Variants in NFS1 observed in about 807,000 individuals in gnomAD.
NFS1 encodes NFS1 cysteine desulfurase, also known as cysteine desulfurase.
Under a neutral mutation model 57.3 loss-of-function variants are expected in NFS1, and 26 were observed. The observed-to-expected ratio is 0.45, with a 90% CI of 0.33 to 0.63. The LOEUF is 0.63. NFS1 is among the 20% of genes least tolerant of loss of function. The pLI is 0.02. For synonymous variants in NFS1, 209 were observed against 216.3 expected (o/e 0.97, Z 0.30); for missense variants, 505 against 605.8 (o/e 0.83, Z 1.75).
rs564818263 is a variant in NFS1 at position 35,683,916 on chromosome 20, C to T, written c.562-1935G>A. The stretch of plus-strand genomic sequence containing the variant: ...ATCACCTGAGGTCAGGAGTTCGAGA[C>T]CAGCCTGGCCAACATGGTGAAAGCA... On this transcript the variant is annotated intron_variant, in intron 5 of 12. Transcript: ENST00000374092. 2.7e-4 allele frequency among the ~76,000 whole-genome samples: 41 copies of T among 150,534 alleles called. 1 individual carries two copies. In the Middle Eastern group the frequency reaches 0.017, roughly 64 times the overall value.
rs777332553 is a variant in NFS1, at chr20:35,681,978, G to T, written c.565C>A (p.Leu189Ile). 8 of 1,595,058 alleles carry T rather than the reference G, an allele frequency of 5.0e-6. No homozygotes were observed. In the African/African-American group the frequency reaches 9.4e-5, roughly 19 times the overall value. ...GTATCTGGCTGGATAGCAGCCTCTAGTTCCTAGGGATATGCAGGAGTAAGG... is the reference window on the plus strand; with the variant it reads ...GTATCTGGCTGGATAGCAGCCTCTATTTCCTAGGGATATGCAGGAGTAAGG... The part of the protein sequence containing the change: ...QKSGIIDLKE[L>I]EAAIQPDTSL... The change falls in exon 6 of 13, where the codon CTA becomes ATA. Residue 189 changes from leucine (L) to isoleucine (I), a missense_variant. Leu to Ile is a conservative substitution (Grantham distance 5). Transcript: ENST00000374092.
Position 35,669,538 on chromosome 20 carries a change from A to G in NFS1, c.*84T>C. On this transcript the variant is annotated 3_prime_UTR_variant, in exon 13 of 13. Coordinates refer to ENST00000374092, the MANE Select transcript of NFS1 (RefSeq NM_021100.5). ...TGGTCTATACCAATCTAGAGCATCC[A>G]CTAGGTGTAACAAGGTGTCTGGTTG... 1.7e-6 allele frequency: 2 copies of G among 1,195,848 alleles called. No individual in the cohort carries two copies. The highest frequency in any genetic ancestry group is 4.7e-5 in the East Asian group (2 of 42,964). 74.1% of individuals were successfully genotyped at this position (1,195,848 alleles called of 1,614,324 possible).
chr20:35,685,325 G>A (rs942073329), intron 5 of NFS1, among the ~76,000 whole-genome samples: 6 of 151,726 alleles, frequency 4.0e-5, no homozygotes, highest in African/African-American at 1.5e-4. Context: ...GCTGCTGTAA[G>A]CCTTGGTGGT....
intron 7 of NFS1, chr20:35,675,461 A>G (rs2034724445): frequency 3.8e-6 from 2 of 527,432 alleles, no homozygotes; most frequent in Non-Finnish European, 6.7e-6. Flanking sequence ...ATGAAATGCC[A>G]TCATACATTA....
At chr20:35,698,808 G>T (rs1308369299) in intron 1 of NFS1, 76 of 1,381,600 alleles carry the variant, frequency 5.5e-5, no homozygotes, top group Non-Finnish European at 6.5e-5. Context: ...GTGTTGAGTT[G>T]ATATTCAAAT....
rs78937508 is a variant in NFS1 at position 35,687,167 on chromosome 20, G to A, written c.561+3246C>T. ...CAGGAAAGGGAATCCCCCTTTCCCC[G>A]GGGGAGTTTAGAGAAGACTCTACTC... is the stretch of plus-strand genomic sequence containing the variant. On this transcript the variant is annotated intron_variant, in intron 5 of 12. Coordinates refer to ENST00000374092, the MANE Select transcript of NFS1 (RefSeq NM_021100.5). 6.1e-3 allele frequency among the ~76,000 whole-genome samples: 929 copies of A among 152,182 alleles called. 30 individuals carry two copies. The East Asian group carries it at 0.088, about 14-fold the overall frequency.
intron 5 of NFS1, 77 bp downstream of exon 5, chr20:35,690,336 T>A: frequency 7.1e-7 from 1 of 1,416,398 alleles, no homozygotes; most frequent in Non-Finnish European, 9.8e-7. Context: ...AAGCTCCAGC[T>A]AGGGCCCAAG....
In NFS1 at chr20:35,685,863, C is replaced by G. The variant is rs1285849195; in HGVS notation, c.562-3882G>C. On this transcript the variant is annotated intron_variant, in intron 5 of 12. Coordinates refer to ENST00000374092, the MANE Select transcript of NFS1 (RefSeq NM_021100.5). ...ACAAGAGCGAAATTCAGTACCCCCCCGCAAAAAAAAAAAAAAAAGAAACAC... is the reference window on the plus strand; with the variant it reads ...ACAAGAGCGAAATTCAGTACCCCCCGGCAAAAAAAAAAAAAAAAGAAACAC... Among the ~76,000 whole-genome samples, 7 of 137,402 alleles carry G rather than the reference C, an allele frequency of 5.1e-5. No homozygotes were observed. The East Asian group carries it at 8.4e-4, about 16-fold the overall frequency. The allele number at this position is 137,402 out of a possible 152,430, so 90.1% of individuals were successfully genotyped here.
At chr20:35,692,211 T>C in intron 4 of NFS1, 1 of 253,422 alleles carries the variant, frequency 3.9e-6, no homozygotes, top group South Asian at 3.9e-5. Context: ...TAAATAAAAA[T>C]AAAAATACAA....
At chr20:35,696,776 C>T (rs1334323819) in intron 3 of NFS1, among the ~76,000 whole-genome samples, 1 of 152,100 alleles carries the variant, frequency 6.6e-6, no homozygotes, top group African/African-American at 2.4e-5. Flanking sequence ...CGAGACCAAC[C>T]TGGCCAACAT....
intron 12 of NFS1, 94 bp downstream of exon 12, chr20:35,672,661 C>T: frequency 1.2e-6 from 1 of 826,746 alleles, no homozygotes; most frequent in Non-Finnish European, 2.1e-6. Flanking sequence ...TACGCTTGAA[C>T]TTTGGTTTTG....
intron 4 of NFS1, among the ~76,000 whole-genome samples, chr20:35,693,082 T>C (rs1461867127): frequency 1.3e-5 from 2 of 151,888 alleles, no homozygotes; most frequent in Non-Finnish European, 2.9e-5. Flanking sequence ...GAGAGGAAGA[T>C]TTACACTTCA....
At chr20:35,677,931 T>G (rs1353560130) in intron 7 of NFS1, among the ~76,000 whole-genome samples, 11 of 151,816 alleles carry the variant, frequency 7.2e-5, no homozygotes, top group South Asian at 2.1e-4. Context: ...AGCCAGGCAT[T>G]GGGCCGGGCA....
chr20:35,697,532 T>C (rs2035156344), intron 3 of NFS1, 152 bp downstream of exon 3: 1 of 539,312 alleles, frequency 1.9e-6, no homozygotes, highest in Middle Eastern at 5.1e-4. Flanking sequence ...ATCAAATGCC[T>C]GCAGTCAAAC....
Position 35,688,812 on chromosome 20 carries a change from G to C in NFS1, c.561+1601C>G, listed in dbSNP as rs117158556. ...AGGAAGGGAGGCAGGGAGGGAAGAA[G>C]GGAAGGTGGGAGTGAGGGAGGGAAA... On this transcript the variant is annotated intron_variant, in intron 5 of 12. Transcript: ENST00000374092. 6.4e-4 allele frequency among the ~76,000 whole-genome samples: 98 copies of C among 152,072 alleles called. 1 individual carries two copies. In the East Asian group the frequency reaches 0.018, roughly 28 times the overall value.
At chr20:35,697,970 A>G (rs1328040577) in intron 2 of NFS1, among the ~76,000 whole-genome samples, 170 bp from the exon 3 acceptor site, 1 of 151,750 alleles carries the variant, frequency 6.6e-6, no homozygotes, top group Non-Finnish European at 1.5e-5. Flanking sequence ...CCAAATATCA[A>G]CCTAATACAC....
Position 35,681,991 on chromosome 20 carries a change from T to A in NFS1, c.562-10A>T, listed in dbSNP as rs765918399. 3.9e-6 allele frequency: 6 copies of A among 1,545,476 alleles called. No individual in the cohort carries two copies. The highest frequency in any genetic ancestry group is 5.4e-6 in the Non-Finnish European group (6 of 1,118,048). ...TAGCAGCCTCTAGTTCCTAGGGATA[T>A]GCAGGAGTAAGGTGACTAGATAGTA... On this transcript the variant is annotated splice_polypyrimidine_tract_variant and intron_variant, in intron 5 of 12. Coordinates refer to ENST00000374092, the MANE Select transcript of NFS1 (RefSeq NM_021100.5).
At position 35,699,181 on chromosome 20, in the gene NFS1, C is replaced by T. The variant is rs746825977; in HGVS notation, c.97+11G>A. On this transcript the variant is annotated intron_variant, in intron 1 of 12. Transcript: ENST00000374092. The surrounding 1 kb of genome is among the most constrained non-coding windows in gnomAD (Gnocchi z 4.4). ...GGTCCGCGCCTCCCGGAGAGCGGGA[C>T]CCGAGCGTACCGCGCAGGCGCAGCC... The T allele has an allele frequency of 2.1e-6, 3 of 1,398,584 alleles. No individual in the cohort carries two copies. Among genetic ancestry groups the T allele is most frequent in the Non-Finnish European group, 2.8e-6 (3 of 1,086,348 alleles). 86.6% of individuals were successfully genotyped at this position (1,398,584 alleles called of 1,614,324 possible).
intron 4 of NFS1, among the ~76,000 whole-genome samples, chr20:35,690,870 G>T (rs1277408574): frequency 6.6e-6 from 1 of 152,148 alleles, no homozygotes; most frequent in Non-Finnish European, 1.5e-5. Flanking sequence ...CCGAAGCCCG[G>T]TCAAGTTCAA....
Sources: allele counts gnomAD v4.1 joint callset (sites outside exome capture counted in the v4.1 genomes callset), GRCh38; gene constraint gnomAD v4.1.1; non-coding constraint Gnocchi (gnomAD v3.1); transcripts MANE v1.5; gene names NCBI Gene and HGNC (gene_info 2026-07-23, HGNC 2026-07-21).